HDAC9: variants seen among roughly 807,000 people sequenced by gnomAD.
The protein encoded by HDAC9 is histone deacetylase 9.
In HDAC9, 41 loss-of-function variants were observed where a neutral mutation model predicts 139.4. That is an observed-to-expected ratio of 0.29 (90% CI 0.23 to 0.38). HDAC9 has a LOEUF of 0.38. HDAC9 is among the 10% of genes least tolerant of loss of function. HDAC9 has a pLI of 1.00. For missense variants in HDAC9, 1,147 were observed against 1,297.0 expected (o/e 0.88, Z 1.78); for synonymous variants, 517 against 476.2 (o/e 1.09, Z -1.12).
intron 16 of HDAC9, among the ~76,000 whole-genome samples, chr7:18,778,352 G>C (rs576182450): frequency 6.6e-6 from 1 of 151,760 alleles, no homozygotes; most frequent in Non-Finnish European, 1.5e-5. Context: ...ACACTGAAAA[G>C]TCTCTGTCCT....
At position 18,930,176 on chromosome 7, in the gene HDAC9, A is replaced by T. The variant is rs188356566; in HGVS notation, c.2804-5633A>T. Among the ~76,000 whole-genome samples the T allele has an allele frequency of 1.5e-3, 229 of 152,186 alleles. 1 individual carries two copies. Among genetic ancestry groups the T allele is most frequent in the African/African-American group, 5.4e-3 (225 of 41,540 alleles). On this transcript the variant is annotated intron_variant, in intron 22 of 25. Transcript: ENST00000686413. ...ATGTGGTTGTTGAGAACCCCGTTCC[A>T]TCTCTATGTCCAGTGATTGCTTGAG...
At chr7:18,995,537 A>G (rs2129354394) in intron 25 of HDAC9, among the ~76,000 whole-genome samples, 1 of 152,318 alleles carries the variant, frequency 6.6e-6, no homozygotes, top group African/African-American at 2.4e-5. Context: ...TGCTAATCAA[A>G]TTCAGAATTT....
intron 17 of HDAC9, among the ~76,000 whole-genome samples, chr7:18,794,151 G>T (rs1262112763): frequency 6.6e-6 from 1 of 152,180 alleles, no homozygotes; most frequent in African/African-American, 2.4e-5. Flanking sequence ...CGTCTTGAAT[G>T]CAGTTACCCC....
chr7:18,389,410 C>T (rs1418358560), intron 1 of HDAC9, among the ~76,000 whole-genome samples: 2 of 152,154 alleles, frequency 1.3e-5, no homozygotes, highest in South Asian at 2.1e-4. Flanking sequence ...ATGGTAGCTT[C>T]GAAATCAGCA....
At chr7:18,577,319 C>G (rs527972047) in intron 2 of HDAC9, among the ~76,000 whole-genome samples, 16 of 152,294 alleles carry the variant, frequency 1.1e-4, no homozygotes, top group Non-Finnish European at 1.6e-4. Flanking sequence ...TTTGCAGTTT[C>G]CTTTTTCTTT....
intron 1 of HDAC9, among the ~76,000 whole-genome samples, chr7:18,364,550 T>G (rs920406428): frequency 2.0e-5 from 3 of 152,076 alleles, no homozygotes. Context: ...ATACCTTTGC[T>G]ACTCAGAATG....
intron 2 of HDAC9, chr7:18,543,553 C>T (rs147615059): frequency 6.6e-6 from 1 of 152,268 alleles, no homozygotes; most frequent in Non-Finnish European, 1.5e-5. Context: ...ACTTTTGTGA[C>T]ACCACATGCA....
At chr7:18,425,915 C>A (rs1790074299) in intron 1 of HDAC9, among the ~76,000 whole-genome samples, 1 of 152,110 alleles carries the variant, frequency 6.6e-6, no homozygotes, top group South Asian at 2.1e-4. Context: ...CTGCCTTTTG[C>A]CAAGCCAGAA....
At chr7:18,723,266 A>C (rs1785274964) in intron 12 of HDAC9, among the ~76,000 whole-genome samples, 1 of 152,180 alleles carries the variant, frequency 6.6e-6, no homozygotes, top group South Asian at 2.1e-4. Context: ...AAACTGAAAA[A>C]TATATATTAT....
chr7:18,211,069 C>T (rs1791905060), intron 2 of HDAC9, among the ~76,000 whole-genome samples: 1 of 152,156 alleles, frequency 6.6e-6, no homozygotes, highest in African/African-American at 2.4e-5. Flanking sequence ...AACTCAGAAG[C>T]ATGTGATTAT....
chr7:18,456,314 GC>G (rs898642642), intron 1 of HDAC9, among the ~76,000 whole-genome samples: 1 of 152,082 alleles, frequency 6.6e-6, no homozygotes, highest in African/African-American at 2.4e-5. Flanking sequence ...TCCACTCACT[GC>G]AAACTCCACC....
intron 12 of HDAC9, among the ~76,000 whole-genome samples, chr7:18,723,500 A>G (rs1430569605): frequency 2.0e-5 from 3 of 152,220 alleles, no homozygotes; most frequent in Admixed American, 6.5e-5. Context: ...AACAGTTATA[A>G]GTAAGGAACA....
At chr7:18,378,199 C>T (rs980419622) in intron 1 of HDAC9, among the ~76,000 whole-genome samples, 8 of 152,016 alleles carry the variant, frequency 5.3e-5, no homozygotes, top group African/African-American at 1.9e-4. Flanking sequence ...ATAAGAGATT[C>T]GAGTAATCAG....
intron 13 of HDAC9, among the ~76,000 whole-genome samples, chr7:18,737,892 C>G (rs1377998058): frequency 6.6e-6 from 1 of 152,160 alleles, no homozygotes; most frequent in Non-Finnish European, 1.5e-5. Flanking sequence ...GTGTGGGAGT[C>G]TAAGTCTCTT....
intron 14 of HDAC9, among the ~76,000 whole-genome samples, chr7:18,760,173 T>C (rs1464680730): frequency 6.6e-6 from 1 of 152,182 alleles, no homozygotes; most frequent in Non-Finnish European, 1.5e-5. Flanking sequence ...TTCATTATTC[T>C]GCCAGAATTG....
chr7:18,351,045 A>C (rs768344307), intron 1 of HDAC9, among the ~76,000 whole-genome samples: 2 of 152,206 alleles, frequency 1.3e-5, no homozygotes, highest in African/African-American at 2.4e-5. Context: ...CTGTGATTGA[A>C]TCAAAGTCTC....
intron 2 of HDAC9, among the ~76,000 whole-genome samples, chr7:18,239,481 C>T (rs1385307483): frequency 6.6e-6 from 1 of 152,170 alleles, no homozygotes; most frequent in Non-Finnish European, 1.5e-5. Context: ...TACATAAAAG[C>T]TGACCAAGGA....
At chr7:18,468,718 G>A (rs987995300) in intron 1 of HDAC9, among the ~76,000 whole-genome samples, 2 of 152,172 alleles carry the variant, frequency 1.3e-5, no homozygotes, top group South Asian at 4.1e-4. Context: ...AAATCAATTT[G>A]TATTTTGTGC....
At chr7:18,605,756 C>T (rs759469434) in intron 6 of HDAC9, among the ~76,000 whole-genome samples, 1 of 152,116 alleles carries the variant, frequency 6.6e-6, no homozygotes, top group Non-Finnish European at 1.5e-5. Flanking sequence ...TCTCGGCTCA[C>T]TGCAAGCTCC....
Sources: gnomAD v4.1 joint callset for allele counts (sites outside exome capture counted in the v4.1 genomes callset) on GRCh38, gnomAD v4.1.1 for gene constraint, MANE v1.5 for transcripts, NCBI Gene and HGNC (gene_info 2026-07-23, HGNC 2026-07-21) for gene names.